The following PARG variants were observed in gnomAD, a reference collection of about 807,000 sequenced individuals.
PARG encodes mitochondrial poly(ADP-ribose) glycohydrolase.
A neutral mutation model predicts 113.0 loss-of-function variants in PARG; 35 were observed. The observed-to-expected ratio is 0.31, with a 90% CI of 0.24 to 0.41. The LOEUF is 0.41. PARG is among the 10% of genes least tolerant of loss of function. PARG has a pLI of 1.00. For synonymous variants in PARG, 330 were observed against 409.9 expected (o/e 0.81, Z 2.36); for missense variants, 797 against 1,169.4 (o/e 0.68, Z 4.64).
intron 13 of PARG, among the ~76,000 whole-genome samples, chr10:49,852,903 AC>A (rs1164787058): frequency 6.6e-6 from 1 of 150,934 alleles, no homozygotes; most frequent in Non-Finnish European, 1.5e-5. Flanking sequence ...AGCAAATGAA[AC>A]AAGTTAGCTT....
chr10:49,941,661 G>C lies in PARG; in HGVS notation c.65C>G (p.Ser22Trp). ...KRPRWGAATT[S>W]PAASDARSFP... ...GCTCCGGGCGTCCGAAGCAGCCGGC[G>C]AAGTTGTAGCGGCGCCCCAGCGGGG... The change falls in exon 1 of 18, where the codon TCG becomes TGG. Residue 22 changes from serine to tryptophan, a missense_variant. Transcript: ENST00000616448. 1.3e-6 allele frequency: 2 copies of C among 1,597,666 alleles called. No homozygotes were observed. Among genetic ancestry groups the C allele is most frequent in the Non-Finnish European group, 1.7e-6 (2 of 1,173,442 alleles).
intron 7 of PARG, among the ~76,000 whole-genome samples, chr10:49,888,763 T>C (rs1285002953): frequency 3.3e-5 from 5 of 152,208 alleles, no homozygotes; most frequent in African/African-American, 1.2e-4. Context: ...TTATGACTTT[T>C]GTCAAATTTT....
At chr10:49,881,775 T>C (rs1158474290) in intron 8 of PARG, among the ~76,000 whole-genome samples, 4 of 152,196 alleles carry the variant, frequency 2.6e-5, no homozygotes, top group Non-Finnish European at 5.9e-5. Context: ...AATTCAAAGG[T>C]AAACAAATAA....
In PARG at chr10:49,906,347, TTTC is replaced by T. The variant is rs550639727; in HGVS notation, c.1737+9567_1737+9569del. On this transcript the variant is annotated intron_variant, in intron 7 of 17. Transcript: ENST00000616448. ...TTAAGGCCGCCTTCTGCTAGAGGGT[TTTC>T]TTCTTCTTTCTACCTTGAATTCAAA... Among the ~76,000 whole-genome samples, 153 of 152,106 alleles carry T rather than the reference TTTC, an allele frequency of 1.0e-3. 2 individuals are homozygous for T. Among genetic ancestry groups the T allele is most frequent in the East Asian group, 8.4e-3 (43 of 5,148 alleles).
chr10:49,913,951 C>T (rs1182488493), intron 7 of PARG, among the ~76,000 whole-genome samples: 1 of 152,112 alleles, frequency 6.6e-6, no homozygotes, highest in Non-Finnish European at 1.5e-5. Context: ...CGCAAGGACT[C>T]TTCTCCCTAA....
chr10:49,860,115 T>G (rs1245738144), intron 12 of PARG, among the ~76,000 whole-genome samples: 1 of 152,168 alleles, frequency 6.6e-6, no homozygotes, highest in African/African-American at 2.4e-5. Context: ...TATTCCCCGA[T>G]CTCCTGCGGA....
intron 15 of PARG, among the ~76,000 whole-genome samples, chr10:49,840,227 A>G (rs1247965747): frequency 1.3e-5 from 2 of 152,070 alleles, no homozygotes; most frequent in Admixed American, 6.6e-5. Context: ...CAGTGTATCT[A>G]AAAAAGAAAA....
chr10:49,903,405 G>A (rs782255021), intron 7 of PARG, among the ~76,000 whole-genome samples: 1 of 151,796 alleles, frequency 6.6e-6, no homozygotes, highest in East Asian at 1.9e-4. Flanking sequence ...TAAATCTCTC[G>A]GTAAGTGATT....
chr10:49,864,274 C>T (rs1846389943), intron 11 of PARG, among the ~76,000 whole-genome samples: 1 of 151,170 alleles, frequency 6.6e-6, no homozygotes, highest in Non-Finnish European at 1.5e-5. Context: ...ATTTTTTTTT[C>T]TCTCTTCAGG....
At chr10:49,878,547 G>A (rs1222193685) in intron 9 of PARG, among the ~76,000 whole-genome samples, 1 of 146,072 alleles carries the variant, frequency 6.8e-6, no homozygotes, top group African/African-American at 2.5e-5. Context: ...GAACCCGGGA[G>A]GTGGAGGTTT....
chr10:49,938,306 T>C (rs2133004870), intron 1 of PARG, among the ~76,000 whole-genome samples: 1 of 152,324 alleles, frequency 6.6e-6, no homozygotes, highest in African/African-American at 2.4e-5. Context: ...TCTCCCGACA[T>C]TTCCACCCAG....
chr10:49,857,251 CAG>C (rs1203703451), intron 13 of PARG, 53 bp downstream of exon 13: 3 of 680,750 alleles, frequency 4.4e-6, no homozygotes, highest in Non-Finnish European at 8.1e-6. Flanking sequence ...GTCTTCATGA[CAG>C]ATATTCACAG....
chr10:49,885,876 T>C (rs1308715361), intron 7 of PARG, among the ~76,000 whole-genome samples: 8 of 152,198 alleles, frequency 5.3e-5, no homozygotes, highest in African/African-American at 1.7e-4. Context: ...ATATAAAAAT[T>C]TGAAGCACAA....
Position 49,819,507 on chromosome 10 carries a change from A to C in PARG, c.2777-13T>G. 1 of 1,546,274 alleles carries C rather than the reference A, an allele frequency of 6.5e-7. No individual in the cohort carries two copies. The highest frequency in any genetic ancestry group is 8.8e-7 in the Non-Finnish European group (1 of 1,142,282). The stretch of plus-strand genomic sequence containing the variant: ...TTATACACATCTCCTGGAGAGCAAA[A>C]GGTCAGACCAGAGGCACATTAAAGT... On this transcript the variant is annotated splice_polypyrimidine_tract_variant and intron_variant, in intron 17 of 17. Transcript: ENST00000616448.
intron 7 of PARG, among the ~76,000 whole-genome samples, chr10:49,909,024 T>C (rs1461245268): frequency 6.6e-6 from 1 of 152,118 alleles, no homozygotes; most frequent in Non-Finnish European, 1.5e-5. Flanking sequence ...AACAATATTT[T>C]TGTTCTAAAA....
chr10:49,836,692 T>C lies in PARG; in HGVS notation c.2542-3784A>G, dbSNP rs1283961180. 2.6e-5 allele frequency among the ~76,000 whole-genome samples: 4 copies of C among 152,348 alleles called. No homozygotes were observed. In the East Asian group the frequency reaches 7.7e-4, roughly 29 times the overall value. On this transcript the variant is annotated intron_variant, in intron 15 of 17. Coordinates refer to ENST00000616448, the MANE Select transcript of PARG (RefSeq NM_003631.5). Reference sequence around the variant, plus strand: ...TATGAAAAGACTGTAAGTGCTCAGATGCTGAACTTCTTAGGAATATCAGCA... The same window carrying C: ...TATGAAAAGACTGTAAGTGCTCAGACGCTGAACTTCTTAGGAATATCAGCA...
At chr10:49,919,895 T>C (rs181122299) in intron 6 of PARG, among the ~76,000 whole-genome samples, 360 of 152,274 alleles carry the variant, frequency 2.4e-3, no homozygotes, top group East Asian at 0.018. Flanking sequence ...CCAACATCCA[T>C]CAACTGTTCA....
At chr10:49,873,327 A>G (rs575442752) in intron 9 of PARG, among the ~76,000 whole-genome samples, 6 of 68,074 alleles carry the variant, frequency 8.8e-5, no homozygotes, top group Admixed American at 1.8e-4. Context: ...AAAGGAAATA[A>G]CACAATAAAA....
intron 1 of PARG, among the ~76,000 whole-genome samples, chr10:49,938,865 C>A (rs1319607913): frequency 1.2e-4 from 18 of 152,042 alleles, no homozygotes; most frequent in Admixed American, 9.8e-4. Context: ...ATTTAAATAC[C>A]AAGTTCCTAA....
Sources: allele counts gnomAD v4.1 joint callset (sites outside exome capture counted in the v4.1 genomes callset), GRCh38; gene constraint gnomAD v4.1.1; transcripts MANE v1.5; gene names NCBI Gene and HGNC (gene_info 2026-07-23, HGNC 2026-07-21).